The following HSPB6 variants were observed in gnomAD, a reference collection of about 807,000 sequenced individuals.
The protein encoded by HSPB6 is heat shock protein family B (small) member 6, also known as heat shock protein beta-6.
In HSPB6, 8 loss-of-function variants were observed where a neutral mutation model predicts 10.7. The observed-to-expected ratio is 0.75, with a 90% CI of 0.44 to 1.35. The LOEUF (loss-of-function observed/expected upper bound fraction) is 1.35. Among genes scored for constraint, HSPB6 ranks in the 40% most tolerant of loss-of-function variants. HSPB6 has a pLI of 0.00. For missense variants in HSPB6, 232 were observed against 236.0 expected (o/e 0.98, Z 0.11); for synonymous variants, 128 against 114.2 (o/e 1.12, Z -0.77).
chr19:35,754,746 A>T lies in HSPB6; in HGVS notation c.*776T>A. 1 of 535,578 alleles carries T rather than the reference A, an allele frequency of 1.9e-6. No individual in the cohort carries two copies. The highest frequency in any genetic ancestry group is 3.4e-6 in the Non-Finnish European group (1 of 295,996). 33.2% of individuals were successfully genotyped at this position (535,578 alleles called of 1,614,324 possible). On this transcript the variant is annotated 3_prime_UTR_variant, in exon 3 of 3. Coordinates refer to ENST00000004982, the MANE Select transcript of HSPB6 (RefSeq NM_144617.3). ...TGGTTGAAGACTTGGGGGTCAAGAC[A>T]AAGGGACTTAGGGGGATGGGGTCTG...
chr19:35,755,335 G>A lies in HSPB6; in HGVS notation c.*187C>T, dbSNP rs1970738995. ...GGAAAGCTGGAGGGGGTGTGAGAGC[G>A]AGGGTGTCAGTGGAAGGGTCTATGT... On this transcript the variant is annotated 3_prime_UTR_variant, in exon 3 of 3. Coordinates refer to ENST00000004982, the MANE Select transcript of HSPB6 (RefSeq NM_144617.3). 4.2e-6 allele frequency: 3 copies of A among 717,034 alleles called. No homozygotes were observed. In the South Asian group the frequency reaches 4.5e-5, roughly 11 times the overall value. The allele number at this position is 717,034 out of a possible 1,614,324, so 44.4% of individuals were successfully genotyped here.
intron 2 of HSPB6, 29 bp from the exon 3 acceptor site, chr19:35,755,712 C>T (rs1292137775): frequency 4.6e-6 from 7 of 1,524,832 alleles, no homozygotes; most frequent in South Asian, 2.5e-5. Flanking sequence ...TGAGCGGCCC[C>T]GCCCCTCCGG....
chr19:35,756,976 C>T lies in HSPB6; in HGVS notation c.33G>A (p.Trp11Ter). 2.6e-6 allele frequency: 4 copies of T among 1,545,592 alleles called. No individual in the cohort carries two copies. Among genetic ancestry groups the T allele is most frequent in the Non-Finnish European group, 3.5e-6 (4 of 1,146,694 alleles). The change falls in exon 1 of 3, where the codon TGG becomes TGA. Residue 11 changes from tryptophan (W) to a stop codon, truncating the protein, a stop_gained. Coordinates refer to ENST00000004982, the MANE Select transcript of HSPB6 (RefSeq NM_144617.3). LOFTEE classifies it high-confidence loss of function. MEIPVPVQPSWLRRASAPLPG... is the reference protein window; with the variant it reads MEIPVPVQPS ...GCAACGGGGCCGAGGCGCGGCGCAG[C>T]CAAGACGGCTGCACAGGCACAGGGA...
At chr19:35,755,967 A>G in intron 1 of HSPB6, 73 bp from the exon 2 acceptor site, 1 of 1,502,620 alleles carries the variant, frequency 6.7e-7, no homozygotes, top group Non-Finnish European at 8.9e-7. Context: ...GGGAGACCCC[A>G]CCCCCGTCGG....
At position 35,755,619 on chromosome 19, in the gene HSPB6, G is replaced by A; in HGVS notation, c.386C>T (p.Pro129Leu). 1 of 1,533,106 alleles carries A rather than the reference G, an allele frequency of 6.5e-7. No individual in the cohort carries two copies. Among genetic ancestry groups the A allele is most frequent in the Non-Finnish European group, 8.7e-7 (1 of 1,144,522 alleles). The allele number at this position is 1,533,106 out of a possible 1,614,324, so 95.0% of individuals were successfully genotyped here. The change falls in exon 3 of 3, where the codon CCG becomes CTG. Residue 129 changes from proline (P) to leucine (L), a missense_variant. By Grantham distance (98) the Pro-to-Leu change is moderately conservative. Coordinates refer to ENST00000004982, the MANE Select transcript of HSPB6 (RefSeq NM_144617.3). The stretch of plus-strand genomic sequence containing the variant: ...GGACAGCGCGGACGTCACGGCAGCC[G>A]GATCCACGCCAGGCGGCAGGCGGTA... ...RRYRLPPGVD[P>L]AAVTSALSPE...
At position 35,756,865 on chromosome 19, in the gene HSPB6, G is replaced by A. The variant is rs1231121314; in HGVS notation, c.144C>T (p.Thr48=). 1.3e-6 allele frequency: 2 copies of A among 1,537,616 alleles called. No homozygotes were observed. Among genetic ancestry groups the A allele is most frequent in the Non-Finnish European group, 1.7e-6 (2 of 1,146,104 alleles). The change falls in exon 1 of 3, where the codon ACC becomes ACT. Residue 48 remains threonine (T), a synonymous_variant. Coordinates refer to ENST00000004982, the MANE Select transcript of HSPB6 (RefSeq NM_144617.3). ...LEAELAALCP[T]TLAPYYLRAP... is the part of the protein sequence containing the mutation. ...CGCGCAGGTAGTAGGGGGCGAGCGT[G>A]GTGGGGCAGAGCGCAGCCAGCTCGG... is the stretch of plus-strand genomic sequence containing the variant.
In HSPB6 at chr19:35,755,365, A is replaced by G; in HGVS notation, c.*157T>C. ...TGTCAGTGGAAGGGTCTATGTTATC[A>G]AGGCAGTGTCCAGGATGGAGGTCAG... On this transcript the variant is annotated 3_prime_UTR_variant, in exon 3 of 3. Coordinates refer to ENST00000004982, the MANE Select transcript of HSPB6 (RefSeq NM_144617.3). 1.3e-6 allele frequency: 1 copy of G among 783,590 alleles called. No individual in the cohort carries two copies. The highest frequency in any genetic ancestry group is 2.2e-6 in the Non-Finnish European group (1 of 463,420). The allele number at this position is 783,590 out of a possible 1,614,324, so 48.5% of individuals were successfully genotyped here.
chr19:35,756,993 G>A lies in HSPB6; in HGVS notation c.16C>T (p.Pro6Ser), dbSNP rs1467311362. MEIPV[P>S]VQPSWLRRAS... The stretch of plus-strand genomic sequence containing the variant: ...CGGCGCAGCCAAGACGGCTGCACAG[G>A]CACAGGGATCTCCATCCTGCTCCTC... The change falls in exon 1 of 3, where the codon CCT becomes TCT. Residue 6 changes from proline to serine, a missense_variant. Physicochemically the swap from Pro to Ser is moderately conservative, Grantham distance 74 (BLOSUM62 -1). Transcript: ENST00000004982. 21 of 1,545,834 alleles carry A rather than the reference G, an allele frequency of 1.4e-5. No individual in the cohort carries two copies. Among genetic ancestry groups the A allele is most frequent in the Non-Finnish European group, 1.8e-5 (21 of 1,146,778 alleles).
intron 1 of HSPB6, among the ~76,000 whole-genome samples, 182 bp from the exon 2 acceptor site, chr19:35,756,076 C>G (rs1428523873): frequency 6.6e-6 from 1 of 152,094 alleles, no homozygotes; most frequent in African/African-American, 2.4e-5. Flanking sequence ...AGGGATACGC[C>G]CTCCCCCTGT....
rs1343571160 is a variant in HSPB6, at chr19:35,756,791, C to T, written c.198+20G>A. On this transcript the variant is annotated intron_variant, in intron 1 of 2. Transcript: ENST00000004982. ...CTGGCAATGGAAGTGGTCGAGTTCA[C>T]CCCTCCCCAGGCCTGGCACCTGGGC... is the stretch of plus-strand genomic sequence containing the variant. 55 of 1,534,290 alleles carry T rather than the reference C, an allele frequency of 3.6e-5. No homozygotes were observed. The highest frequency in any genetic ancestry group is 4.4e-5 in the Non-Finnish European group (51 of 1,146,298).
In HSPB6 at chr19:35,755,035, CTG is replaced by C. The variant is rs540472813; in HGVS notation, c.*485_*486del. ...GCCTGGATGGTCTGGAGTGGGAGGT[CTG>C]TGCAGTCCAGGACGTTTGGGGGGTG... is the stretch of plus-strand genomic sequence containing the variant. On this transcript the variant is annotated 3_prime_UTR_variant, in exon 3 of 3. Coordinates refer to ENST00000004982, the MANE Select transcript of HSPB6 (RefSeq NM_144617.3). 92 of 237,412 alleles carry C rather than the reference CTG, an allele frequency of 3.9e-4. No homozygotes were observed. The highest frequency in any genetic ancestry group is 2.8e-3 in the African/African-American group (80 of 28,964). 14.7% of individuals were successfully genotyped at this position (237,412 alleles called of 1,614,324 possible).
intron 1 of HSPB6, among the ~76,000 whole-genome samples, chr19:35,756,272 G>A (rs974062337): frequency 6.6e-6 from 1 of 151,980 alleles, no homozygotes; most frequent in Non-Finnish European, 1.5e-5. Context: ...TCGCCAAGAT[G>A]CCCCTTTCCC....
rs1277358670 is a variant in HSPB6, at chr19:35,755,453, G to A, written c.*69C>T. 3 of 1,448,432 alleles carry A rather than the reference G, an allele frequency of 2.1e-6. No homozygotes were observed. The highest frequency in any genetic ancestry group is 2.8e-6 in the Non-Finnish European group (3 of 1,069,432). 89.7% of individuals were successfully genotyped at this position (1,448,432 alleles called of 1,614,324 possible). The stretch of plus-strand genomic sequence containing the variant: ...CGCACTCGGGACATCTGGCTGGGCG[G>A]AGTCAGATCGGCTTTAATAGAGGGA... On this transcript the variant is annotated 3_prime_UTR_variant, in exon 3 of 3. Coordinates refer to ENST00000004982, the MANE Select transcript of HSPB6 (RefSeq NM_144617.3).
intron 1 of HSPB6, 102 bp from the exon 2 acceptor site, chr19:35,755,996 T>G: frequency 6.8e-7 from 1 of 1,467,970 alleles, no homozygotes; most frequent in Non-Finnish European, 9.1e-7. Context: ...CGCGGCTCAC[T>G]CTGGCCTCCG....
chr19:35,755,965 C>T, intron 1 of HSPB6, 71 bp from the exon 2 acceptor site: 2 of 1,511,676 alleles, frequency 1.3e-6, no homozygotes, highest in Middle Eastern at 2.4e-4. Flanking sequence ...CAGGGAGACC[C>T]CACCCCCGTC....
chr19:35,756,363 G>A (rs1164026940), intron 1 of HSPB6, among the ~76,000 whole-genome samples: 2 of 152,044 alleles, frequency 1.3e-5, no homozygotes, highest in African/African-American at 4.8e-5. Context: ...CCACTTCAGA[G>A]TGGCCGGGAA....
chr19:35,756,855 G>C lies in HSPB6; in HGVS notation c.154C>G (p.Pro52Ala). The change falls in exon 1 of 3, where the codon CCC becomes GCC. Residue 52 changes from proline to alanine, a missense_variant. Physicochemically the swap from Pro to Ala is conservative, Grantham distance 27 (BLOSUM62 -1). Transcript: ENST00000004982. Reference sequence around the variant, plus strand: ...ACGCTGGGTGCGCGCAGGTAGTAGGGGGCGAGCGTGGTGGGGCAGAGCGCA... The same window carrying C: ...ACGCTGGGTGCGCGCAGGTAGTAGGCGGCGAGCGTGGTGGGGCAGAGCGCA... ...LAALCPTTLA[P>A]YYLRAPSVAL... 6.5e-7 allele frequency: 1 copy of C among 1,537,492 alleles called. No homozygotes were observed. The highest frequency in any genetic ancestry group is 8.7e-7 in the Non-Finnish European group (1 of 1,146,358).
Position 35,756,867 on chromosome 19 carries a change from TG to T in HSPB6, c.141del (p.Thr48ProfsTer31). 1 of 1,537,658 alleles carries T rather than the reference TG, an allele frequency of 6.5e-7. No individual in the cohort carries two copies. Reference sequence around the variant, plus strand: ...CGCAGGTAGTAGGGGGCGAGCGTGGTGGGGCAGAGCGCAGCCAGCTCGGCCT... The same window carrying T: ...CGCAGGTAGTAGGGGGCGAGCGTGGTGGGCAGAGCGCAGCCAGCTCGGCCT... ...LLEAELAALC[P>X]TTLAPYYLRA... On this transcript the variant is annotated frameshift_variant, in exon 1 of 3. Transcript: ENST00000004982. LOFTEE classifies it high-confidence loss of function.
chr19:35,756,206 A>AT (rs1419633556), intron 1 of HSPB6, among the ~76,000 whole-genome samples: 1 of 151,476 alleles, frequency 6.6e-6, no homozygotes, highest in Non-Finnish European at 1.5e-5. Context: ...CAGGGCACTG[A>AT]TTCCCCAGCT....
Sources: allele counts gnomAD v4.1 joint callset (sites outside exome capture counted in the v4.1 genomes callset), GRCh38; gene constraint gnomAD v4.1.1; transcripts MANE v1.5; gene names NCBI Gene and HGNC (gene_info 2026-07-23, HGNC 2026-07-21).